Variants in TMEM8B observed in about 807,000 individuals in gnomAD.
TMEM8B encodes the protein transmembrane protein 8B.
In TMEM8B, 29 loss-of-function variants were observed where a neutral mutation model predicts 49.3. The observed-to-expected ratio is 0.59, with a 90% confidence interval of 0.44 to 0.80. The LOEUF (loss-of-function observed/expected upper bound fraction) is 0.80, where lower values mean the gene tolerates loss of function less well. Among genes scored for constraint, TMEM8B ranks in the 30% least tolerant of loss-of-function variants. TMEM8B has a pLI of 0.00. For missense variants in TMEM8B, 575 were observed against 658.5 expected (o/e 0.87, Z 1.39); for synonymous variants, 264 against 272.8 (o/e 0.97, Z 0.32).
rs1332934227 is a variant in TMEM8B, at chr9:35,863,888, T to C, written c.*10048T>C. The C allele has an allele frequency of 1.3e-5, 2 of 152,270 alleles. No homozygotes were observed. The highest frequency in any genetic ancestry group is 6.5e-5 in the Admixed American group (1 of 15,278). 9.4% of individuals were successfully genotyped at this position (152,270 alleles called of 1,614,324 possible). A position where few individuals can be genotyped will look rare whatever the true frequency, so the allele number is the denominator to read the frequency against. ...TGCATGTGGGTGCAATGGCGTCTTATGACTCTCAGAAAGCTACTCTAGTGG... is the reference window on the plus strand; with the variant it reads ...TGCATGTGGGTGCAATGGCGTCTTACGACTCTCAGAAAGCTACTCTAGTGG... On this transcript the variant is annotated 3_prime_UTR_variant, in exon 13 of 13. Transcript: ENST00000643932.
At chr9:35,839,820 TC>T (rs1191915840) in intron 3 of TMEM8B, among the ~76,000 whole-genome samples, 7 of 152,162 alleles carry the variant, frequency 4.6e-5, no homozygotes, top group Non-Finnish European at 1.0e-4. Flanking sequence ...GTTCAGGAGC[TC>T]TCTGAAGGGA....
intron 1 of TMEM8B, 98 bp downstream of exon 1, chr9:35,830,053 A>G: frequency 2.5e-6 from 1 of 407,482 alleles, no homozygotes; most frequent in Non-Finnish European, 4.4e-6. Context: ...GGGGAACTAG[A>G]TCATTGGGGA....
At chr9:35,837,187 G>A (rs1349917986) in intron 3 of TMEM8B, among the ~76,000 whole-genome samples, 1 of 152,202 alleles carries the variant, frequency 6.6e-6, no homozygotes, top group Non-Finnish European at 1.5e-5. Context: ...AGAAGGCAGT[G>A]TGTTTCTAGG....
rs188415690 is a variant in TMEM8B, at chr9:35,829,763, C to A, written c.316C>A (p.Pro106Thr). 57 of 415,166 alleles carry A rather than the reference C, an allele frequency of 1.4e-4. No individual in the cohort carries two copies. Among genetic ancestry groups the A allele is most frequent in the African/African-American group, 1.1e-3 (52 of 48,840 alleles). The allele number at this position is 415,166 out of a possible 1,614,324, so 25.7% of individuals were successfully genotyped here. A position where few individuals can be genotyped will look rare whatever the true frequency, so the allele number is the denominator to read the frequency against. Residue 106 changes from proline (P) to threonine (T), a missense_variant, in exon 1 of 13, where the codon CCC (proline) becomes ACC (threonine). By Grantham distance (38) the Pro-to-Thr change is conservative. Transcript: ENST00000643932. Reference sequence around the variant, plus strand: ...ATCCCACTCCCTGCCCTTGTTCAAGCCCCAGTGTCCAGCCCAGCCCAACCC... The same window carrying A: ...ATCCCACTCCCTGCCCTTGTTCAAGACCCAGTGTCCAGCCCAGCCCAACCC... ...LPSHSLPLFK[P>T]QCPAQPNPLS...
intron 10 of TMEM8B, among the ~76,000 whole-genome samples, chr9:35,847,714 T>G (rs1831745881): frequency 6.6e-6 from 1 of 152,204 alleles, no homozygotes. Context: ...TGCATTTTGA[T>G]GAAGATTAAT....
Position 35,865,367 on chromosome 9 carries a change from G to A in TMEM8B, c.*11527G>A, listed in dbSNP as rs916342944. On this transcript the variant is annotated 3_prime_UTR_variant, in exon 13 of 13. Coordinates refer to ENST00000643932, the MANE Select transcript of TMEM8B (RefSeq NM_001042590.4). The stretch of plus-strand genomic sequence containing the variant: ...TTTATTAGGTCAGGGATTTAATCAG[G>A]CATCTGTTTTTACAGATTTCTTTAT... 6.6e-6 allele frequency: 1 copy of A among 152,166 alleles called. No individual in the cohort carries two copies. Among genetic ancestry groups the A allele is most frequent in the Non-Finnish European group, 1.5e-5 (1 of 68,034 alleles). The allele number at this position is 152,166 out of a possible 1,614,324, so 9.4% of individuals were successfully genotyped here.
chr9:35,840,616 C>T (rs956978713), intron 3 of TMEM8B, among the ~76,000 whole-genome samples: 3 of 151,730 alleles, frequency 2.0e-5, no homozygotes, highest in Admixed American at 6.6e-5. Context: ...TGGACAAGCA[C>T]GTGGGAGCGG....
In TMEM8B at chr9:35,853,687, C is replaced by T; in HGVS notation, c.2622C>T (p.Gly874=). 6.2e-7 allele frequency: 1 copy of T among 1,614,190 alleles called. No individual in the cohort carries two copies. The highest frequency in any genetic ancestry group is 1.1e-5 in the South Asian group (1 of 91,080). ...ATATGCTCATTGCGGGCAGTGTGGG[C>T]TTCCTGCTGCCCCCTCGTGCCAAGA... ...IWHMLIAGSV[G]FLLPPRAKTD... Residue 874 remains glycine (G), a synonymous_variant, in exon 13 of 13, where the codon GGC becomes GGT. Coordinates refer to ENST00000643932, the MANE Select transcript of TMEM8B (RefSeq NM_001042590.4). The surrounding 1 kb of genome is among the most constrained non-coding windows in gnomAD (Gnocchi z 4.2).
intron 1 of TMEM8B, among the ~76,000 whole-genome samples, chr9:35,832,971 T>C (rs373992933): frequency 6.6e-6 from 1 of 152,122 alleles, no homozygotes; most frequent in South Asian, 2.1e-4. Flanking sequence ...GCTTGCAAGG[T>C]GACAGGTTTT....
At position 35,861,740 on chromosome 9, in the gene TMEM8B, C is replaced by T. The variant is rs554451125; in HGVS notation, c.*7900C>T. 2 of 152,344 alleles carry T rather than the reference C, an allele frequency of 1.3e-5. No homozygotes were observed. Among genetic ancestry groups the T allele is most frequent in the South Asian group, 2.1e-4 (1 of 4,832 alleles). 9.4% of individuals were successfully genotyped at this position (152,344 alleles called of 1,614,324 possible). A position where few individuals can be genotyped will look rare whatever the true frequency, so the allele number is the denominator to read the frequency against. ...GGAAACATACACCTGAAGGTGCTGC[C>T]CCGGGGGGTGCAATGACCTGTTACT... On this transcript the variant is annotated 3_prime_UTR_variant, in exon 13 of 13. Coordinates refer to ENST00000643932, the MANE Select transcript of TMEM8B (RefSeq NM_001042590.4).
intron 10 of TMEM8B, among the ~76,000 whole-genome samples, chr9:35,852,558 C>T (rs1832242361): frequency 6.6e-6 from 1 of 152,090 alleles, no homozygotes; most frequent in African/African-American, 2.4e-5. Context: ...AGGGCACTCT[C>T]CACAGCACCT....
At chr9:35,845,774 A>C (rs529017142) in intron 6 of TMEM8B, 3 of 985,430 alleles carry the variant, frequency 3.0e-6, no homozygotes, top group East Asian at 2.3e-4. Flanking sequence ...AGTCCTTGAA[A>C]GATTTCTGCT....
At chr9:35,850,333 G>A (rs1321104092) in intron 10 of TMEM8B, among the ~76,000 whole-genome samples, 3 of 152,114 alleles carry the variant, frequency 2.0e-5, no homozygotes, top group Non-Finnish European at 2.9e-5. Context: ...ACTTAGATTA[G>A]AATTATATTA....
In TMEM8B at chr9:35,846,455, G is replaced by A. The variant is rs558887225; in HGVS notation, c.1854-14G>A. 1 of 1,597,130 alleles carries A rather than the reference G, an allele frequency of 6.3e-7. No individual in the cohort carries two copies. The highest frequency in any genetic ancestry group is 2.3e-5 in the East Asian group (1 of 44,336). ...GTGGCCCGGGGCCCCAGGTGACTGC[G>A]AGTTTGTGCGCAGGTTCGTGCGGTG... is the stretch of plus-strand genomic sequence containing the variant. On this transcript the variant is annotated splice_polypyrimidine_tract_variant and intron_variant, in intron 8 of 12. Coordinates refer to ENST00000643932, the MANE Select transcript of TMEM8B (RefSeq NM_001042590.4).
intron 1 of TMEM8B, among the ~76,000 whole-genome samples, chr9:35,831,094 A>G (rs1829845727): frequency 1.3e-5 from 2 of 152,188 alleles, no homozygotes; most frequent in Admixed American, 1.3e-4. Context: ...GGTTCAGTGT[A>G]CAAACTTAAG....
intron 10 of TMEM8B, 63 bp from the exon 11 acceptor site, chr9:35,852,764 C>G: frequency 6.2e-7 from 1 of 1,604,062 alleles, no homozygotes; most frequent in Non-Finnish European, 8.5e-7. Context: ...GCCCACCCCT[C>G]CGGTTTTGTA....
chr9:35,848,062 T>G (rs1432317303), intron 10 of TMEM8B, among the ~76,000 whole-genome samples: 2 of 152,186 alleles, frequency 1.3e-5, no homozygotes, highest in Non-Finnish European at 2.9e-5. Flanking sequence ...GCATCCTGCA[T>G]TACTAGGTCA....
rs1477887382 is a variant in TMEM8B at position 35,853,272 on chromosome 9, G to A, written c.2439+15G>A. The A allele has an allele frequency of 1.3e-6, 2 of 1,599,516 alleles. No individual in the cohort carries two copies. The highest frequency in any genetic ancestry group is 1.7e-5 in the Admixed American group (1 of 59,968). On this transcript the variant is annotated intron_variant, in intron 12 of 12. Coordinates refer to ENST00000643932, the MANE Select transcript of TMEM8B (RefSeq NM_001042590.4). The surrounding 1 kb of genome is among the most constrained non-coding windows in gnomAD (Gnocchi z 4.2). ...CCACAGCCTGGGTAAGGGTGGGGAG[G>A]GATGTGGGGGGAGGGTCCCAGCAGG... is the stretch of plus-strand genomic sequence containing the variant.
chr9:35,832,077 C>T (rs1298765551), intron 1 of TMEM8B, among the ~76,000 whole-genome samples: 9 of 152,034 alleles, frequency 5.9e-5, no homozygotes, highest in Admixed American at 3.3e-4. Context: ...AGGACTCACA[C>T]GTGCCTTGCT....
Sources: gnomAD v4.1 joint callset for allele counts (sites outside exome capture counted in the v4.1 genomes callset) on GRCh38, gnomAD v4.1.1 for gene constraint, Gnocchi (gnomAD v3.1) non-coding constraint, MANE v1.5 for transcripts, NCBI Gene and HGNC (gene_info 2026-07-23, HGNC 2026-07-21) for gene names.